MBP: variants seen among roughly 807,000 people sequenced by gnomAD.
The protein encoded by MBP is Golli-MBP.
A neutral mutation model predicts 35.8 loss-of-function variants in MBP; 16 were observed. The ratio of observed to expected loss-of-function variants is 0.45; its 90% CI spans 0.30 to 0.68. MBP has a LOEUF of 0.68. Ranked by LOEUF, MBP falls within the 30% of genes least tolerant of loss-of-function variation. The pLI, the probability that MBP is intolerant of heterozygous loss-of-function variation, is 0.08. For synonymous variants in MBP, 143 were observed against 159.6 expected, an observed-to-expected ratio of 0.90 and a Z score of 0.78; for missense variants, 380 against 404.7, an observed-to-expected ratio of 0.94 and a Z score of 0.52.
At chr18:77,014,280 G>C in intron 4 of MBP, 1 of 985,486 alleles carries the variant, frequency 1.0e-6, no homozygotes, top group Non-Finnish European at 1.2e-6. Flanking sequence ...TGGTACCAGC[G>C]GCCATGTGCC....
chr18:77,065,903 C>T (rs1974174688), intron 3 of MBP: 1 of 175,600 alleles, frequency 5.7e-6, no homozygotes, highest in Non-Finnish European at 1.2e-5. Context: ...TGTTGCCCAG[C>T]CTGGAGTGCA....
rs11422817 is a variant in MBP, at chr18:77,060,468, T to TTTA, written c.139+5829_139+5830insTAA. Among the ~76,000 whole-genome samples the TTTA allele has an allele frequency of 6.8e-5, 9 of 133,028 alleles. 1 individual carries two copies. The highest frequency in any genetic ancestry group is 9.1e-5 in the Non-Finnish European group (6 of 66,252). The allele number at this position is 133,028 out of a possible 152,430, so 87.3% of individuals were successfully genotyped here. ...CTCTCCTTTTTTTTTTTTTTTTTTT[T>TTTA]ATGAGGCGGAGTTTTGCTCTTGTTG... On this transcript the variant is annotated intron_variant, in intron 3 of 8. Coordinates refer to ENST00000355994, the MANE Select transcript of MBP (RefSeq NM_001025101.2).
At chr18:77,105,599 C>T (rs1399512745) in intron 1 of MBP, among the ~76,000 whole-genome samples, 3 of 152,192 alleles carry the variant, frequency 2.0e-5, no homozygotes, top group Non-Finnish European at 4.4e-5. Flanking sequence ...ATTCATCCAC[C>T]CATCCATCTA....
In MBP at chr18:76,989,009, T is replaced by A. The variant is rs1010153248; in HGVS notation, c.682-97A>T. The stretch of plus-strand genomic sequence containing the variant: ...GCCTGCTGAGGGTGGCTAGCATCCA[T>A]CAGCTGCCAGAAGCACCCGGGTGCC... On this transcript the variant is annotated intron_variant, in intron 5 of 8. Transcript: ENST00000355994. The surrounding 1 kb of genome is among the most constrained non-coding windows in gnomAD (Gnocchi z 4.0). 8.2e-7 allele frequency: 1 copy of A among 1,214,430 alleles called. No individual in the cohort carries two copies. Among genetic ancestry groups the A allele is most frequent in the Non-Finnish European group, 1.2e-6 (1 of 815,676 alleles). The allele number at this position is 1,214,430 out of a possible 1,614,324, so 75.2% of individuals were successfully genotyped here. A position where few individuals can be genotyped will look rare whatever the true frequency, so the allele number is the denominator to read the frequency against.
chr18:77,032,352 G>T (rs1184731679), intron 3 of MBP, among the ~76,000 whole-genome samples: 1 of 152,248 alleles, frequency 6.6e-6, no homozygotes, highest in Non-Finnish European at 1.5e-5. Context: ...TTCCCGCAGA[G>T]ATTTCTTGAA....
At chr18:77,025,705 C>CTT (rs540022394) in intron 3 of MBP, among the ~76,000 whole-genome samples, 7,947 of 108,682 alleles carry the variant, frequency 0.073, 437 homozygotes, top group East Asian at 0.15. Flanking sequence ...TATTGAAATA[C>CTT]TTTTTTTTTT....
Position 77,101,930 on chromosome 18 carries a change from T to G in MBP, c.51+3281A>C, listed in dbSNP as rs926760717. ...AGTTAGGAAATAGGTATGATTCATTTACTCTTTCGAACATCTGTAAGCCAG... is the reference window on the plus strand; with the variant it reads ...AGTTAGGAAATAGGTATGATTCATTGACTCTTTCGAACATCTGTAAGCCAG... On this transcript the variant is annotated intron_variant, in intron 2 of 8. Transcript: ENST00000355994. This position sits in a 1 kb window ranked among gnomAD's most constrained non-coding sequence, Gnocchi z 4.3. 6.6e-6 allele frequency among the ~76,000 whole-genome samples: 1 copy of G among 152,212 alleles called. No homozygotes were observed.
intron 2 of MBP, among the ~76,000 whole-genome samples, chr18:77,074,948 G>A (rs1974594409): frequency 6.6e-6 from 1 of 152,156 alleles, no homozygotes; most frequent in Non-Finnish European, 1.5e-5. Flanking sequence ...ACTAGATCAT[G>A]TTTACATTAT....
At chr18:77,029,153 A>C (rs1344670237) in intron 3 of MBP, among the ~76,000 whole-genome samples, 1 of 118,314 alleles carries the variant, frequency 8.5e-6, no homozygotes, top group Non-Finnish European at 2.0e-5. Flanking sequence ...CTCCGTCTGC[A>C]ATCCCGGCAC....
At position 77,096,304 on chromosome 18, in the gene MBP, T is replaced by A. The variant is rs141824518; in HGVS notation, c.51+8907A>T. ...ACTAAATGTCTCATTTCTCAGAATGTCATTTTAATAGTATCTGGAGAGTGT... is the reference window on the plus strand; with the variant it reads ...ACTAAATGTCTCATTTCTCAGAATGACATTTTAATAGTATCTGGAGAGTGT... On this transcript the variant is annotated intron_variant, in intron 2 of 8. Transcript: ENST00000355994. Among the ~76,000 whole-genome samples, 244 of 152,352 alleles carry A rather than the reference T, an allele frequency of 1.6e-3. 1 individual carries two copies. The highest frequency in any genetic ancestry group is 0.014 in the Middle Eastern group (4 of 294).
chr18:77,107,112 G>C (rs1321344091), intron 1 of MBP, among the ~76,000 whole-genome samples: 1 of 152,160 alleles, frequency 6.6e-6, no homozygotes, highest in African/African-American at 2.4e-5. Context: ...TTAAGAGCTT[G>C]CAGGATGGAC....
intron 3 of MBP, among the ~76,000 whole-genome samples, chr18:77,045,862 T>G (rs1599134967): frequency 6.6e-6 from 1 of 152,138 alleles, no homozygotes; most frequent in Non-Finnish European, 1.5e-5. Context: ...AAGTGGATGG[T>G]GCCTTTTGTC....
chr18:77,058,215 C>T (rs886761498), intron 3 of MBP, among the ~76,000 whole-genome samples: 6 of 152,192 alleles, frequency 3.9e-5, no homozygotes, highest in African/African-American at 9.7e-5. Context: ...CAGCCCTGGA[C>T]GTCCACCTCA....
intron 3 of MBP, among the ~76,000 whole-genome samples, chr18:77,041,791 G>C (rs184490459): frequency 1.8e-5 from 2 of 111,022 alleles, no homozygotes; most frequent in African/African-American, 6.6e-5. Flanking sequence ...GGTGGGGGGA[G>C]GGGGGAGGGA....
At chr18:77,100,677 G>A (rs1346649289) in intron 2 of MBP, among the ~76,000 whole-genome samples, 4 of 152,020 alleles carry the variant, frequency 2.6e-5, no homozygotes, top group Non-Finnish European at 4.4e-5. Context: ...TCAGCTTTCC[G>A]AGTAGCTGGG....
chr18:77,083,065 C>G (rs955083044), intron 2 of MBP, among the ~76,000 whole-genome samples: 1 of 151,924 alleles, frequency 6.6e-6, no homozygotes, highest in African/African-American at 2.4e-5. Context: ...ACTCCACCTC[C>G]TGGATTTGAA....
At chr18:77,061,709 A>G (rs1973990734) in intron 3 of MBP, among the ~76,000 whole-genome samples, 1 of 152,158 alleles carries the variant, frequency 6.6e-6, no homozygotes, top group Non-Finnish European at 1.5e-5. Flanking sequence ...AGACTTCTCA[A>G]TTTTATTTAC....
intron 3 of MBP, among the ~76,000 whole-genome samples, chr18:77,052,120 T>G (rs1973512741): frequency 6.6e-6 from 1 of 152,200 alleles, no homozygotes; most frequent in African/African-American, 2.4e-5. Flanking sequence ...AGAGTCTTCC[T>G]CCGATGTGCC....
At chr18:77,009,940 CAG>C in intron 4 of MBP, 1 of 1,568,426 alleles carries the variant, frequency 6.4e-7, no homozygotes, top group Non-Finnish European at 8.7e-7. Context: ...CCGGGGGACA[CAG>C]AGTGGGCTGC....
Sources: gnomAD v4.1 joint callset for allele counts (sites outside exome capture counted in the v4.1 genomes callset) on GRCh38, gnomAD v4.1.1 for gene constraint, Gnocchi (gnomAD v3.1) non-coding constraint, MANE v1.5 for transcripts, NCBI Gene and HGNC (gene_info 2026-07-23, HGNC 2026-07-21) for gene names.